TIAM1: variants seen among roughly 807,000 people sequenced by gnomAD.
The protein encoded by TIAM1 is rho guanine nucleotide exchange factor TIAM1.
A neutral mutation model predicts 163.5 loss-of-function variants in TIAM1; 65 were observed. The ratio of observed to expected loss-of-function variants is 0.40; its 90% CI spans 0.33 to 0.49. TIAM1 has a LOEUF of 0.49. TIAM1 is among the 20% of genes least tolerant of loss of function. The pLI is 0.77. For missense variants in TIAM1, 1,789 were observed against 2,044.7 expected (o/e 0.87, Z 2.41); for synonymous variants, 833 against 810.1 (o/e 1.03, Z -0.48).
At chr21:31,520,542 A>T (rs1411648511) in intron 1 of TIAM1, among the ~76,000 whole-genome samples, 2 of 152,226 alleles carry the variant, frequency 1.3e-5, no homozygotes, top group African/African-American at 4.8e-5. Flanking sequence ...AAGGAAAGAA[A>T]TGTGCTGTCC....
intron 2 of TIAM1, among the ~76,000 whole-genome samples, chr21:31,299,583 A>G (rs1752901507): frequency 6.6e-6 from 1 of 152,238 alleles, no homozygotes; most frequent in Admixed American, 6.5e-5. Context: ...GCAACTGTGA[A>G]AGAGACCCAA....
intron 1 of TIAM1, among the ~76,000 whole-genome samples, chr21:31,491,960 TTTCTC>T (rs1342262818): frequency 2.0e-5 from 3 of 152,106 alleles, no homozygotes; most frequent in Non-Finnish European, 2.9e-5. Flanking sequence ...GGATAGAAAA[TTTCTC>T]TACTATGTGC....
At chr21:31,338,992 C>A (rs1022695421) in intron 2 of TIAM1, among the ~76,000 whole-genome samples, 1 of 151,994 alleles carries the variant, frequency 6.6e-6, no homozygotes, top group Non-Finnish European at 1.5e-5. Flanking sequence ...GAGGATTACC[C>A]GCAGCCAACT....
At chr21:31,543,133 A>T (rs1311188196) in intron 1 of TIAM1, among the ~76,000 whole-genome samples, 1 of 152,156 alleles carries the variant, frequency 6.6e-6, no homozygotes, top group African/African-American at 2.4e-5. Context: ...ATGCTGCCTC[A>T]TGTTGCCTCT....
At chr21:31,344,595 G>A (rs1473827474), upstream of TIAM1, among the ~76,000 whole-genome samples, 6 of 152,066 alleles carry the variant, frequency 3.9e-5, no homozygotes, top group East Asian at 7.7e-4. Flanking sequence ...TTACATAAGC[G>A]CCCCCCACCA....
intron 15 of TIAM1, among the ~76,000 whole-genome samples, chr21:31,174,610 G>A (rs1027226629): frequency 5.3e-5 from 8 of 152,314 alleles, no homozygotes; most frequent in Non-Finnish European, 7.4e-5. Context: ...CTCTTGGAAC[G>A]CTGGAACTTT....
chr21:31,392,286 T>C (rs2076977857), intron 2 of TIAM1, among the ~76,000 whole-genome samples: 1 of 151,954 alleles, frequency 6.6e-6, no homozygotes, highest in Admixed American at 6.6e-5. Context: ...AAGTCGAAAA[T>C]GAGGCTGGGC....
chr21:31,551,347 T>G (rs946610049), intron 1 of TIAM1, among the ~76,000 whole-genome samples: 1 of 151,350 alleles, frequency 6.6e-6, no homozygotes, highest in Non-Finnish European at 1.5e-5. Flanking sequence ...GGTGGAGAGA[T>G]TGCACCAAGC....
chr21:31,127,190 T>C, intron 25 of TIAM1, 38 bp from the exon 26 acceptor site: 1 of 1,591,784 alleles, frequency 6.3e-7, no homozygotes. Context: ...AGGGTATGTT[T>C]CAAGTGGATT....
intron 10 of TIAM1, among the ~76,000 whole-genome samples, chr21:31,210,534 AAAAGAAAGAAAG>A (rs1214068044): frequency 0.039 from 2,154 of 55,562 alleles, 82 homozygotes; most frequent in Middle Eastern, 0.048. Context: ...GGAAGGAAGG[AAAAGAAAGAAAG>A]AAAGAAAGAA....
intron 15 of TIAM1, among the ~76,000 whole-genome samples, chr21:31,176,706 TAGA>T: frequency 6.6e-6 from 1 of 151,994 alleles, no homozygotes; most frequent in East Asian, 1.9e-4. Flanking sequence ...CAAGAAACTA[TAGA>T]AGGTTTGCAT....
intron 2 of TIAM1, among the ~76,000 whole-genome samples, chr21:31,309,512 T>C (rs887797007): frequency 2.0e-5 from 3 of 152,132 alleles, no homozygotes; most frequent in Non-Finnish European, 4.4e-5. Context: ...GCAAAATTAT[T>C]TGAAAGGTGA....
intron 16 of TIAM1, among the ~76,000 whole-genome samples, chr21:31,164,493 T>A (rs2084111015): frequency 6.6e-6 from 1 of 152,186 alleles, no homozygotes; most frequent in African/African-American, 2.4e-5. Context: ...GTATTTGGAT[T>A]AATTTTAAAA....
At position 31,324,197 on chromosome 21, in the gene TIAM1, T is replaced by C. The variant is rs574617566; in HGVS notation, c.-189+15046A>G. Among the ~76,000 whole-genome samples the C allele has an allele frequency of 2.6e-5, 4 of 152,098 alleles. No homozygotes were observed. The South Asian group carries it at 8.3e-4, about 32-fold the overall frequency. ...GCGTGGAAAAGTTTAATTCATTGCGTTTGGGACCCAACATTCAACAATAAC... is the reference window on the plus strand; with the variant it reads ...GCGTGGAAAAGTTTAATTCATTGCGCTTGGGACCCAACATTCAACAATAAC... On this transcript the variant is annotated intron_variant, in intron 2 of 27. Coordinates refer to ENST00000541036, the MANE Select transcript of TIAM1 (RefSeq NM_001353694.2).
intron 1 of TIAM1, among the ~76,000 whole-genome samples, chr21:31,533,781 C>T (rs2048042000): frequency 6.6e-6 from 1 of 152,140 alleles, no homozygotes; most frequent in Non-Finnish European, 1.5e-5. Context: ...CATTCTTCTC[C>T]TTCTTCCTGT....
At chr21:31,551,003 G>C (rs1000778570) in intron 1 of TIAM1, among the ~76,000 whole-genome samples, 4 of 152,080 alleles carry the variant, frequency 2.6e-5, no homozygotes, top group Admixed American at 1.3e-4. Context: ...ATGAGGTCAG[G>C]AGTTCAAGAC....
At chr21:31,154,447 G>A in intron 16 of TIAM1, 21 bp from the exon 17 acceptor site, 1 of 1,606,328 alleles carries the variant, frequency 6.2e-7, no homozygotes, top group South Asian at 1.1e-5. Flanking sequence ...CAGGGGGGAA[G>A]GGAAGGCAGA....
intron 20 of TIAM1, among the ~76,000 whole-genome samples, chr21:31,144,830 GAAA>G (rs764835303): frequency 4.0e-5 from 3 of 74,512 alleles, no homozygotes; most frequent in East Asian, 4.0e-4. Context: ...CTCCATCTCA[GAAA>G]AAAAAAAAAA....
At chr21:31,548,575 G>C (rs1469536403) in intron 1 of TIAM1, among the ~76,000 whole-genome samples, 1 of 150,516 alleles carries the variant, frequency 6.6e-6, no homozygotes, top group East Asian at 2.0e-4. Flanking sequence ...TGCAAACTCT[G>C]CTCCTGGGCT....
Sources: gnomAD v4.1 joint callset for allele counts (sites outside exome capture counted in the v4.1 genomes callset) on GRCh38, gnomAD v4.1.1 for gene constraint, MANE v1.5 for transcripts, NCBI Gene and HGNC (gene_info 2026-07-23, HGNC 2026-07-21) for gene names.